The following RBFOX1 variants were observed in gnomAD, a reference collection of about 807,000 sequenced individuals.
RBFOX1 encodes the protein RNA binding protein fox-1 homolog 1.
In RBFOX1, 8 loss-of-function variants were observed where a neutral mutation model predicts 57.7. The observed-to-expected ratio is 0.14, with a 90% confidence interval of 0.08 to 0.25. The LOEUF (loss-of-function observed/expected upper bound fraction) is 0.25, where lower values mean the gene tolerates loss of function less well. RBFOX1 is among the 10% of genes least tolerant of loss of function. The probability of loss-of-function intolerance (pLI) is 1.00; values close to 1 mark genes in which losing one functional copy is unlikely to be tolerated. For synonymous variants in RBFOX1, 326 were observed against 222.4 expected, an observed-to-expected ratio of 1.47 and a Z score of -4.15; for missense variants, 611 against 548.5, an observed-to-expected ratio of 1.11 and a Z score of -1.14.
At chr16:7,112,679 G>GTGTGTGTCTGTGTGT (rs369771164) in intron 4 of RBFOX1, among the ~76,000 whole-genome samples, 1 of 141,898 alleles carries the variant, frequency 7.0e-6, no homozygotes, top group Non-Finnish European at 1.5e-5. Flanking sequence ...TGTGTGTGTG[G>GTGTGTGTCTGTGTGT]GTGTGGGTGT....
At chr16:6,594,779 C>T (rs1331401139) in intron 2 of RBFOX1, among the ~76,000 whole-genome samples, 1 of 151,902 alleles carries the variant, frequency 6.6e-6, no homozygotes, top group Admixed American at 6.6e-5. Context: ...AAAGTGTACA[C>T]TTCAGTGTTT....
intron 3 of RBFOX1, among the ~76,000 whole-genome samples, chr16:6,702,593 A>G (rs1049232604): frequency 6.6e-6 from 1 of 151,960 alleles, no homozygotes; most frequent in Non-Finnish European, 1.5e-5. Flanking sequence ...TCAACATTCT[A>G]TTCCTTCCCA....
At chr16:6,003,726 G>C (rs1311618319) in intron 4 of RBFOX1, among the ~76,000 whole-genome samples, 2 of 152,194 alleles carry the variant, frequency 1.3e-5, no homozygotes, top group African/African-American at 4.8e-5. Flanking sequence ...CATCTCTTGG[G>C]TTCAGCATCT....
intron 1 of RBFOX1, among the ~76,000 whole-genome samples, chr16:5,314,257 G>C (rs1213412614): frequency 6.6e-6 from 1 of 152,224 alleles, no homozygotes; most frequent in Admixed American, 6.5e-5. Context: ...ATGTATTGCA[G>C]ACCCAACAGA....
chr16:5,543,161 G>A (rs900998525), intron 2 of RBFOX1, among the ~76,000 whole-genome samples: 1 of 152,122 alleles, frequency 6.6e-6, no homozygotes, highest in Admixed American at 6.5e-5. Context: ...CAAAGGTCAA[G>A]GATATTTATT....
At chr16:6,520,963 T>A (rs8058207) in intron 2 of RBFOX1, among the ~76,000 whole-genome samples, 140,726 of 152,078 alleles carry the variant, frequency 0.93, 66,062 homozygotes, top group East Asian at 1. Context: ...AATAATTGCT[T>A]CGCCACTAGA....
intron 2 of RBFOX1, among the ~76,000 whole-genome samples, chr16:5,526,333 G>C (rs948948149): frequency 8.5e-5 from 13 of 152,088 alleles, no homozygotes; most frequent in African/African-American, 3.1e-4. Context: ...CTACTGCCCA[G>C]GCTGGAGTGC....
intron 14 of RBFOX1, chr16:7,693,397 C>G (rs749110088): frequency 6.7e-7 from 1 of 1,496,282 alleles, no homozygotes; most frequent in Non-Finnish European, 9.2e-7. Flanking sequence ...CTTGATGCAT[C>G]CATCCAAGTC....
intron 2 of RBFOX1, among the ~76,000 whole-genome samples, chr16:6,429,217 G>A (rs867363041): frequency 1.1e-4 from 17 of 152,216 alleles, no homozygotes; most frequent in African/African-American, 3.1e-4. Context: ...ATGTGTCTGT[G>A]GAGAGAGCTT....
intron 4 of RBFOX1, among the ~76,000 whole-genome samples, chr16:7,163,596 G>C (rs1006001939): frequency 1.3e-5 from 2 of 151,728 alleles, no homozygotes; most frequent in African/African-American, 4.8e-5. Context: ...AGTTTCTACA[G>C]AGCAGAATAA....
intron 3 of RBFOX1, among the ~76,000 whole-genome samples, chr16:5,629,324 A>G (rs2048435012): frequency 1.3e-5 from 2 of 152,238 alleles, no homozygotes; most frequent in Non-Finnish European, 2.9e-5. Context: ...AGTCGCTCAG[A>G]ATGGATACAG....
intron 4 of RBFOX1, among the ~76,000 whole-genome samples, chr16:7,365,810 G>T (rs2097432578): frequency 1.3e-5 from 2 of 152,220 alleles, no homozygotes; most frequent in African/African-American, 4.8e-5. Context: ...CAACAGGGAA[G>T]ATACAGGTAT....
At position 5,290,460 on chromosome 16, in the gene RBFOX1, C is replaced by T. The variant is rs147676649; in HGVS notation, c.219+50355C>T. ...GTGATGAAAATGTTTTAAAATTGATCCTGATGGTGGTTGCCGAGCTCTGTG... is the reference window on the plus strand; with the variant it reads ...GTGATGAAAATGTTTTAAAATTGATTCTGATGGTGGTTGCCGAGCTCTGTG... On this transcript the variant is annotated intron_variant, in intron 1 of 2. Coordinates refer to the RBFOX1 transcript ENST00000585867. Among the ~76,000 whole-genome samples the T allele has an allele frequency of 2.1e-3, 324 of 152,194 alleles. 1 individual carries two copies. Among genetic ancestry groups the T allele is most frequent in the Admixed American group, 6.4e-3 (98 of 15,296 alleles).
chr16:5,825,761 GGAATAATATTCCTTAATATGAATA>G (rs1324610133), intron 3 of RBFOX1, among the ~76,000 whole-genome samples: 5 of 145,560 alleles, frequency 3.4e-5, no homozygotes, highest in Non-Finnish European at 7.6e-5. Context: ...ATATGAATAA[GGAATAATATTCCTTAATATGAATA>G]AGGAATAATA....
chr16:6,191,162 G>A (rs1019254784), intron 1 of RBFOX1, among the ~76,000 whole-genome samples: 17 of 147,402 alleles, frequency 1.2e-4, no homozygotes, highest in African/African-American at 4.3e-4. Flanking sequence ...TCTGATACAG[G>A]CATGAGTTAA....
At chr16:6,505,214 T>G (rs1598421939) in intron 2 of RBFOX1, among the ~76,000 whole-genome samples, 1 of 152,350 alleles carries the variant, frequency 6.6e-6, no homozygotes, top group South Asian at 2.1e-4. Flanking sequence ...AGCTCTTGAT[T>G]GTCAGTCACT....
intron 3 of RBFOX1, among the ~76,000 whole-genome samples, chr16:6,754,577 T>A (rs1193478788): frequency 6.6e-6 from 1 of 152,116 alleles, no homozygotes; most frequent in South Asian, 2.1e-4. Flanking sequence ...CAAATTGGCC[T>A]CCACTAATTT....
intron 4 of RBFOX1, among the ~76,000 whole-genome samples, chr16:7,284,854 C>G (rs765070916): frequency 3.3e-5 from 5 of 152,170 alleles, no homozygotes; most frequent in Non-Finnish European, 7.3e-5. Context: ...CTTTTGGCCA[C>G]TGCCTTCTTG....
chr16:6,138,251 C>G (rs777296537), intron 1 of RBFOX1, among the ~76,000 whole-genome samples: 1 of 152,208 alleles, frequency 6.6e-6, no homozygotes, highest in African/African-American at 2.4e-5. Context: ...CTGCTGTTGC[C>G]TTTCTGGCAA....
Sources: gnomAD v4.1 joint callset for allele counts (sites outside exome capture counted in the v4.1 genomes callset) on GRCh38, gnomAD v4.1.1 for gene constraint, MANE v1.5 for transcripts, NCBI Gene and HGNC (gene_info 2026-07-23, HGNC 2026-07-21) for gene names.